The following UST variants were observed in gnomAD, a reference collection of about 807,000 sequenced individuals.
UST encodes uronyl 2-sulfotransferase, also known as chondroitin sulfate 2-O-sulfotransferase.
In UST, 21 loss-of-function variants were observed where a neutral mutation model predicts 45.6. The observed-to-expected ratio is 0.46, with a 90% CI of 0.33 to 0.66. The LOEUF (loss-of-function observed/expected upper bound fraction) is 0.66. UST is among the 30% of genes least tolerant of loss of function. The probability of loss-of-function intolerance (pLI) is 0.02; values close to 1 mark genes in which losing one functional copy is unlikely to be tolerated. For synonymous variants in UST, 215 were observed against 200.6 expected (o/e 1.07, Z -0.61); for missense variants, 463 against 512.4 (o/e 0.90, Z 0.93).
At chr6:148,875,382 C>G (rs1441218756) in intron 1 of UST, among the ~76,000 whole-genome samples, 1 of 152,142 alleles carries the variant, frequency 6.6e-6, no homozygotes, top group Non-Finnish European at 1.5e-5. Context: ...TATATCAAGA[C>G]AGTATTGGAA....
At chr6:148,824,193 T>G (rs1188264979) in intron 1 of UST, among the ~76,000 whole-genome samples, 1 of 152,216 alleles carries the variant, frequency 6.6e-6, no homozygotes, top group South Asian at 2.1e-4. Context: ...TAAGTTCAAG[T>G]TATGTTGAAG....
At chr6:149,034,017 T>G (rs1182134845) in intron 7 of UST, among the ~76,000 whole-genome samples, 1 of 152,160 alleles carries the variant, frequency 6.6e-6, no homozygotes, top group East Asian at 1.9e-4. Flanking sequence ...CTTGATTTAC[T>G]GGGGTCATGA....
At chr6:149,049,195 A>G (rs1173293230) in intron 7 of UST, among the ~76,000 whole-genome samples, 1 of 152,252 alleles carries the variant, frequency 6.6e-6, no homozygotes, top group Non-Finnish European at 1.5e-5. Context: ...ATACAGGTAC[A>G]TAAAAACTAT....
intron 1 of UST, among the ~76,000 whole-genome samples, chr6:148,761,158 C>T (rs1038415666): frequency 6.6e-6 from 1 of 152,212 alleles, no homozygotes; most frequent in South Asian, 2.1e-4. Context: ...GGCTGGAACC[C>T]TGCTTCAGCT....
At chr6:148,775,626 ATTT>A (rs752769104) in intron 1 of UST, among the ~76,000 whole-genome samples, 5 of 144,928 alleles carry the variant, frequency 3.4e-5, no homozygotes, top group African/African-American at 7.5e-5. Flanking sequence ...TTTTAATTAA[ATTT>A]TTTTTTTTTT....
At chr6:149,027,001 G>T (rs1776059060) in intron 7 of UST, among the ~76,000 whole-genome samples, 1 of 151,870 alleles carries the variant, frequency 6.6e-6, no homozygotes, top group African/African-American at 2.4e-5. Context: ...TATAAGCTAA[G>T]TGCTTTGTTT....
Position 148,974,826 on chromosome 6 carries a change from A to G in UST, c.681+10263A>G, listed in dbSNP as rs9377182. Among the ~76,000 whole-genome samples the G allele has an allele frequency of 2.4e-4, 36 of 152,358 alleles. No homozygotes were observed. The East Asian group carries it at 6.0e-3, about 25-fold the overall frequency. On this transcript the variant is annotated intron_variant, in intron 5 of 7. Transcript: ENST00000367463. The stretch of plus-strand genomic sequence containing the variant: ...AAAAACACAATGGAATTGTATCAAC[A>G]TTCAGCTAAAAGTTTGCATATGCAT...
chr6:148,872,768 CT>C (rs918724266), intron 1 of UST, among the ~76,000 whole-genome samples: 1 of 152,134 alleles, frequency 6.6e-6, no homozygotes, highest in Non-Finnish European at 1.5e-5. Context: ...GCTGTCTGCA[CT>C]CCCTGACTCG....
chr6:148,777,791 C>T (rs772253409), intron 1 of UST, among the ~76,000 whole-genome samples: 5 of 152,196 alleles, frequency 3.3e-5, no homozygotes, highest in Admixed American at 6.5e-5. Flanking sequence ...AGGTGATCTA[C>T]CTGCCTCGGC....
intron 1 of UST, among the ~76,000 whole-genome samples, chr6:148,853,165 C>T (rs1357315986): frequency 6.6e-6 from 1 of 152,064 alleles, no homozygotes; most frequent in South Asian, 2.1e-4. Flanking sequence ...TCCACGTGTT[C>T]TCACTGTTCA....
At chr6:148,940,110 C>T (rs924514871) in intron 2 of UST, among the ~76,000 whole-genome samples, 8 of 152,064 alleles carry the variant, frequency 5.3e-5, no homozygotes, top group Non-Finnish European at 1.2e-4. Flanking sequence ...TGCTCAACAT[C>T]ATTAGTCACA....
At chr6:149,006,890 A>C (rs1775712918) in intron 5 of UST, among the ~76,000 whole-genome samples, 1 of 152,202 alleles carries the variant, frequency 6.6e-6, no homozygotes, top group African/African-American at 2.4e-5. Flanking sequence ...ATAACCACAG[A>C]GTCAACATCG....
chr6:148,819,888 T>C (rs548445989), intron 1 of UST, among the ~76,000 whole-genome samples: 1 of 152,358 alleles, frequency 6.6e-6, no homozygotes, highest in South Asian at 2.1e-4. Context: ...CATGAAACTC[T>C]GCTTCTGATT....
chr6:149,068,021 G>T (rs777094194), intron 7 of UST, among the ~76,000 whole-genome samples: 1 of 152,152 alleles, frequency 6.6e-6, no homozygotes, highest in Non-Finnish European at 1.5e-5. Context: ...ACCCAGAGAT[G>T]ATCGTGCCCA....
intron 2 of UST, among the ~76,000 whole-genome samples, chr6:148,894,110 C>T (rs192592884): frequency 1.6e-4 from 25 of 152,244 alleles, no homozygotes; most frequent in Admixed American, 1.4e-3. Flanking sequence ...GAGATATGAA[C>T]TGCTTTGAGG....
At chr6:148,900,544 T>C (rs922112361) in intron 2 of UST, among the ~76,000 whole-genome samples, 1 of 152,194 alleles carries the variant, frequency 6.6e-6, no homozygotes, top group African/African-American at 2.4e-5. Flanking sequence ...CCTTCTGCCG[T>C]GATTGTGAGG....
intron 1 of UST, among the ~76,000 whole-genome samples, chr6:148,818,638 T>C (rs1777399531): frequency 1.3e-5 from 2 of 152,178 alleles, no homozygotes; most frequent in African/African-American, 4.8e-5. Context: ...GGTAAGGAAA[T>C]TTTAGGCTGG....
chr6:148,941,476 G>A, intron 3 of UST, 42 bp downstream of exon 3: 9 of 1,551,972 alleles, frequency 5.8e-6, no homozygotes, highest in Non-Finnish European at 7.8e-6. Flanking sequence ...TTTTGCTTCA[G>A]CTCATTTGTG....
At chr6:148,978,659 C>T (rs563550991) in intron 5 of UST, among the ~76,000 whole-genome samples, 17 of 152,078 alleles carry the variant, frequency 1.1e-4, no homozygotes, top group African/African-American at 4.1e-4. Context: ...ACATCACACA[C>T]CGGGGCCTGT....
Sources: allele counts gnomAD v4.1 joint callset (sites outside exome capture counted in the v4.1 genomes callset), GRCh38; gene constraint gnomAD v4.1.1; transcripts MANE v1.5; gene names NCBI Gene and HGNC (gene_info 2026-07-23, HGNC 2026-07-21).